The following WTAP variants were observed in gnomAD, a reference collection of about 807,000 sequenced individuals.
WTAP encodes the protein WT1 associated protein.
Under a neutral mutation model 50.0 loss-of-function variants are expected in WTAP, and 8 were observed. That is an observed-to-expected ratio of 0.16 (90% CI 0.09 to 0.29). The LOEUF is 0.29. WTAP is among the 10% of genes least tolerant of loss of function. WTAP has a pLI of 1.00. For missense variants in WTAP, 295 were observed against 470.7 expected, an observed-to-expected ratio of 0.63 and a Z score of 3.45; for synonymous variants, 194 against 169.0, an observed-to-expected ratio of 1.15 and a Z score of -1.15.
At chr6:159,726,897 G>T (rs754596988), upstream of WTAP, 7 of 1,288,994 alleles carry the variant, frequency 5.4e-6, no homozygotes, top group Non-Finnish European at 6.1e-6. Context: ...CGCCGCCCAC[G>T]GCCTCTCTCT....
intron 1 of WTAP, among the ~76,000 whole-genome samples, chr6:159,728,032 CG>C: frequency 6.6e-6 from 1 of 152,306 alleles, no homozygotes; most frequent in East Asian, 1.9e-4. Flanking sequence ...GCCTCGGGGT[CG>C]CCCCCTTCAC....
intron 3 of WTAP, among the ~76,000 whole-genome samples, chr6:159,740,765 G>A (rs746076668): frequency 6.1e-5 from 9 of 148,648 alleles, no homozygotes; most frequent in Admixed American, 1.4e-4. Flanking sequence ...ATGCAGTTGC[G>A]CGATCTCGGC....
chr6:159,751,319 A>G (rs1779812376), intron 6 of WTAP, among the ~76,000 whole-genome samples: 1 of 152,244 alleles, frequency 6.6e-6, no homozygotes, highest in Non-Finnish European at 1.5e-5. Context: ...GGGTTAAGTC[A>G]GGTCACAGAT....
chr6:159,742,892 CAA>C (rs60309252), intron 4 of WTAP, among the ~76,000 whole-genome samples: 1 of 137,962 alleles, frequency 7.2e-6, no homozygotes, highest in Non-Finnish European at 1.6e-5. Context: ...CTTGTCTCTA[CAA>C]AAAAAAAAAG....
chr6:159,729,566 T>G (rs569286782), intron 1 of WTAP, among the ~76,000 whole-genome samples: 1 of 138,026 alleles, frequency 7.2e-6, no homozygotes, highest in Non-Finnish European at 1.5e-5. Context: ...ATGTTCATAT[T>G]TTATTTGAAA....
chr6:159,728,167 C>G (rs1049289178), intron 1 of WTAP, among the ~76,000 whole-genome samples: 1 of 152,244 alleles, frequency 6.6e-6, no homozygotes, highest in Non-Finnish European at 1.5e-5. Context: ...TGTAGACTTC[C>G]ATTTTTAAAT....
chr6:159,742,918 A>C (rs1779350641), intron 4 of WTAP, among the ~76,000 whole-genome samples: 1 of 152,068 alleles, frequency 6.6e-6, no homozygotes, highest in Admixed American at 6.6e-5. Context: ...CAGGAGGATC[A>C]CTAGAGCCCG....
intron 1 of WTAP, 145 bp downstream of exon 1, chr6:159,727,848 C>T (rs866534852): frequency 6.9e-5 from 36 of 522,752 alleles, no homozygotes; most frequent in Middle Eastern, 1.0e-3. Context: ...TCGTGAGCCG[C>T]TCTACCTTCC....
Position 159,742,082 on chromosome 6 carries a change from T to A in WTAP, c.87-6T>A. On this transcript the variant is annotated splice_polypyrimidine_tract_variant and splice_region_variant and intron_variant, in intron 3 of 7. Transcript: ENST00000621533. ...AACAACTAATGTATGGATTTTTTTT[T>A]ATTAGATGGAAACAATATGAAGCAT... 6.3e-7 allele frequency: 1 copy of A among 1,592,786 alleles called. No individual in the cohort carries two copies. Among genetic ancestry groups the A allele is most frequent in the Non-Finnish European group, 8.5e-7 (1 of 1,170,320 alleles).
At chr6:159,727,965 TCA>T (rs1386779182) in intron 1 of WTAP, among the ~76,000 whole-genome samples, 1 of 152,176 alleles carries the variant, frequency 6.6e-6, no homozygotes, top group Non-Finnish European at 1.5e-5. Flanking sequence ...GACCGGCCAC[TCA>T]CGGAGGCCGG....
At chr6:159,731,326 G>A (rs1778557283) in intron 1 of WTAP, among the ~76,000 whole-genome samples, 1 of 151,876 alleles carries the variant, frequency 6.6e-6, no homozygotes, top group Non-Finnish European at 1.5e-5. Context: ...AAATTAGCTG[G>A]GCGTGGTGGT....
At chr6:159,727,402 A>AGGCGGGAGGCGGGAGGCGGGGGGCGGGC (rs773728704), upstream of WTAP, 1 of 1,162,402 alleles carries the variant, frequency 8.6e-7, no homozygotes, top group Admixed American at 3.0e-5. Flanking sequence ...GGGAGGCGGG[A>AGGCGGGAGGCGGGAGGCGGGGGGCGGGC]GGCAGTGGCG....
intron 1 of WTAP, among the ~76,000 whole-genome samples, chr6:159,732,468 A>G (rs1194445148): frequency 1.3e-5 from 2 of 152,238 alleles, no homozygotes; most frequent in Non-Finnish European, 2.9e-5. Context: ...ATATACATAG[A>G]TACAGATACT....
At chr6:159,734,720 C>T (rs1477472511) in intron 1 of WTAP, among the ~76,000 whole-genome samples, 1 of 152,124 alleles carries the variant, frequency 6.6e-6, no homozygotes, top group East Asian at 1.9e-4. Context: ...ATGAATATGC[C>T]AAATGCAATT....
Position 159,755,790 on chromosome 6 carries a change from T to TTTTTTTTTTTTTTTTTTTTTTTTTTG in WTAP, c.*179_*180insTTTTTTTTTTTTTTTTTTTTTTTTTG, listed in dbSNP as rs1779991801. On this transcript the variant is annotated 3_prime_UTR_variant, in exon 8 of 8. Transcript: ENST00000621533. ...CTTTTTTTTTTTTTTTTTTTTTTTT[T>TTTTTTTTTTTTTTTTTTTTTTTTTTG]GCTTCAATACTTCTGCCGCTTTGGA... 3 of 848,086 alleles carry TTTTTTTTTTTTTTTTTTTTTTTTTTG rather than the reference T, an allele frequency of 3.5e-6. No individual in the cohort carries two copies. The highest frequency in any genetic ancestry group is 4.7e-6 in the Non-Finnish European group (3 of 641,818). The allele number at this position is 848,086 out of a possible 1,614,324, so 52.5% of individuals were successfully genotyped here.
At chr6:159,732,341 G>C (rs2758311) in intron 1 of WTAP, among the ~76,000 whole-genome samples, 69,157 of 151,856 alleles carry the variant, frequency 0.46, 17,899 homozygotes, top group Non-Finnish European at 0.58. Flanking sequence ...CTAGATAAAA[G>C]GTATACCACC....
intron 1 of WTAP, among the ~76,000 whole-genome samples, chr6:159,731,304 GA>G (rs974765366): frequency 6.4e-5 from 9 of 141,240 alleles, no homozygotes; most frequent in Non-Finnish European, 9.3e-5. Context: ...CTACTACCAA[GA>G]AAAAAAAAAC....
At chr6:159,727,244 C>T (rs987805779), upstream of WTAP, 1 of 1,282,214 alleles carries the variant, frequency 7.8e-7, no homozygotes, top group Admixed American at 2.4e-5. Flanking sequence ...TCGGGCTAGG[C>T]CGACGGCCTC....
At position 159,753,600 on chromosome 6, in the gene WTAP, A is replaced by C; in HGVS notation, c.593A>C (p.Lys198Thr). Residue 198 changes from lysine to threonine, a missense_variant, in exon 7 of 8, where the codon AAA becomes ACA. Physicochemically the swap from Lys to Thr is moderately conservative, Grantham distance 78. Coordinates refer to ENST00000621533, the MANE Select transcript of WTAP (RefSeq NM_001270531.2). ...CAGAAGAAATACAGTGAGGAGCTTA[A>C]AAGCAGTCAGGATGGTAAGGGGTTT... ...ALQKKYSEELKSSQDELNDFI... is the reference protein window; with the variant it reads ...ALQKKYSEELTSSQDELNDFI... 1 of 1,611,852 alleles carries C rather than the reference A, an allele frequency of 6.2e-7. No homozygotes were observed. Among genetic ancestry groups the C allele is most frequent in the East Asian group, 2.2e-5 (1 of 44,846 alleles).
Sources: allele counts gnomAD v4.1 joint callset (sites outside exome capture counted in the v4.1 genomes callset), GRCh38; gene constraint gnomAD v4.1.1; transcripts MANE v1.5; gene names NCBI Gene and HGNC (gene_info 2026-07-23, HGNC 2026-07-21).